The following RALGPS2 variants were observed in gnomAD, a reference collection of about 807,000 sequenced individuals.
The protein encoded by RALGPS2 is Ral GEF with PH domain and SH3 binding motif 2.
A neutral mutation model predicts 86.8 loss-of-function variants in RALGPS2; 43 were observed. The ratio of observed to expected loss-of-function variants is 0.50; its 90% CI spans 0.39 to 0.64. RALGPS2 has a LOEUF of 0.64. Among genes scored for constraint, RALGPS2 ranks in the 30% least tolerant of loss-of-function variants. The pLI, the probability that RALGPS2 is intolerant of heterozygous loss-of-function variation, is 0.00. For synonymous variants in RALGPS2, 243 were observed against 231.3 expected, an observed-to-expected ratio of 1.05 and a Z score of -0.46; for missense variants, 536 against 694.6, an observed-to-expected ratio of 0.77 and a Z score of 2.57.
intron 7 of RALGPS2, among the ~76,000 whole-genome samples, chr1:178,829,702 T>A (rs1272528178): frequency 6.6e-6 from 1 of 152,130 alleles, no homozygotes; most frequent in Non-Finnish European, 1.5e-5. Context: ...ATACTTGAAC[T>A]TTTCTGAGAG....
intron 4 of RALGPS2, among the ~76,000 whole-genome samples, chr1:178,805,300 A>G (rs1222538241): frequency 1.3e-5 from 2 of 150,118 alleles, no homozygotes; most frequent in Admixed American, 6.6e-5. Flanking sequence ...CCATTTGTCA[A>G]TTTTGGCTTT....
At chr1:178,789,113 G>A (rs1653831754) in intron 4 of RALGPS2, among the ~76,000 whole-genome samples, 1 of 152,042 alleles carries the variant, frequency 6.6e-6, no homozygotes, top group Admixed American at 6.6e-5. Flanking sequence ...CACTATGTTG[G>A]CCAGGCTTGT....
intron 8 of RALGPS2, chr1:178,852,642 A>T: frequency 6.4e-7 from 1 of 1,574,310 alleles, no homozygotes; most frequent in Non-Finnish European, 8.6e-7. Context: ...AATGCATAGA[A>T]GGTGATGATT....
chr1:178,797,986 A>AT (rs1654281771), intron 4 of RALGPS2, among the ~76,000 whole-genome samples: 1 of 42,852 alleles, frequency 2.3e-5, no homozygotes, highest in African/African-American at 1.3e-4. Flanking sequence ...AACAATTTGT[A>AT]AAAAAAAAAA....
intron 1 of RALGPS2, among the ~76,000 whole-genome samples, chr1:178,766,735 T>C (rs1350949279): frequency 6.6e-6 from 1 of 152,228 alleles, no homozygotes; most frequent in African/African-American, 2.4e-5. Flanking sequence ...GGGGTTGGTC[T>C]TCTTGTGTAG....
At chr1:178,894,448 T>C (rs72707228) in intron 16 of RALGPS2, 6,139 of 154,554 alleles carry the variant, frequency 0.04, 175 homozygotes, top group Middle Eastern at 0.12. Context: ...GCGTCTAATT[T>C]TTCTTTCCTT....
chr1:178,879,562 G>A (rs1227627472), intron 10 of RALGPS2: 2 of 152,548 alleles, frequency 1.3e-5, no homozygotes, highest in African/African-American at 4.8e-5. Context: ...GGAGGCCGAG[G>A]CGGGTGGATC....
intron 8 of RALGPS2, among the ~76,000 whole-genome samples, chr1:178,856,202 G>GAGAGATATATAT (rs1428022812): frequency 3.6e-5 from 3 of 83,910 alleles, no homozygotes; most frequent in African/African-American, 1.9e-4. Context: ...GAGAGAGAGA[G>GAGAGATATATAT]ATATATATAT....
intron 1 of RALGPS2, among the ~76,000 whole-genome samples, chr1:178,745,536 A>T (rs1314870147): frequency 6.6e-6 from 1 of 152,252 alleles, no homozygotes; most frequent in Non-Finnish European, 1.5e-5. Context: ...AGGATAGTCT[A>T]TTCAACAAAT....
At chr1:178,888,930 A>G (rs965165829) in intron 13 of RALGPS2, among the ~76,000 whole-genome samples, 3 of 152,124 alleles carry the variant, frequency 2.0e-5, no homozygotes, top group East Asian at 1.9e-4. Flanking sequence ...AACTTGACCT[A>G]TTAATCATCC....
At chr1:178,802,122 G>GCCTA (rs1407745061) in intron 4 of RALGPS2, among the ~76,000 whole-genome samples, 1 of 151,928 alleles carries the variant, frequency 6.6e-6, no homozygotes, top group Admixed American at 6.6e-5. Context: ...ACTACTCATA[G>GCCTA]CCTACCATTG....
At chr1:178,777,989 ACTT>A (rs1159572149) in intron 2 of RALGPS2, among the ~76,000 whole-genome samples, 2 of 144,684 alleles carry the variant, frequency 1.4e-5, no homozygotes, top group East Asian at 2.0e-4. Context: ...ATGGGCAAGG[ACTT>A]CATGTCTAAA....
chr1:178,758,525 A>C (rs1267919455), intron 1 of RALGPS2, among the ~76,000 whole-genome samples: 2 of 151,688 alleles, frequency 1.3e-5, no homozygotes, highest in Non-Finnish European at 2.9e-5. Context: ...ATTATCTGTC[A>C]CTTCCTACCC....
At chr1:178,839,289 G>C (rs553700280) in intron 8 of RALGPS2, among the ~76,000 whole-genome samples, 1 of 152,232 alleles carries the variant, frequency 6.6e-6, no homozygotes, top group East Asian at 1.9e-4. Flanking sequence ...TCAAAGGGAA[G>C]CCCATCAAAC....
At chr1:178,771,653 T>C (rs1652818212) in intron 1 of RALGPS2, among the ~76,000 whole-genome samples, 1 of 152,160 alleles carries the variant, frequency 6.6e-6, no homozygotes. Flanking sequence ...ATTAATGTCT[T>C]TGTAGGAAAT....
At chr1:178,826,960 T>G (rs1432622451) in intron 7 of RALGPS2, among the ~76,000 whole-genome samples, 1 of 152,166 alleles carries the variant, frequency 6.6e-6, no homozygotes, top group East Asian at 1.9e-4. Flanking sequence ...TTCTAACAGG[T>G]TTTTGAAACT....
intron 2 of RALGPS2, among the ~76,000 whole-genome samples, chr1:178,782,626 A>G (rs904845830): frequency 7.2e-5 from 11 of 151,960 alleles, no homozygotes; most frequent in African/African-American, 2.7e-4. Flanking sequence ...TCTTAGGACT[A>G]TAGGGCACTC....
intron 8 of RALGPS2, among the ~76,000 whole-genome samples, chr1:178,862,268 T>C (rs1255652092): frequency 2.0e-5 from 3 of 152,112 alleles, no homozygotes; most frequent in Non-Finnish European, 4.4e-5. Flanking sequence ...AAATCCAATA[T>C]GATATAACGT....
At chr1:178,849,295 A>G (rs1657031570) in intron 8 of RALGPS2, among the ~76,000 whole-genome samples, 1 of 152,176 alleles carries the variant, frequency 6.6e-6, no homozygotes, top group South Asian at 2.1e-4. Context: ...TCTCCTCTCA[A>G]GAAACTTAGT....
Sources: allele counts gnomAD v4.1 joint callset (sites outside exome capture counted in the v4.1 genomes callset), GRCh38; gene constraint gnomAD v4.1.1; transcripts MANE v1.5; gene names NCBI Gene and HGNC (gene_info 2026-07-23, HGNC 2026-07-21).